Variants in SYT14 observed in about 807,000 individuals in gnomAD.
The protein encoded by SYT14 is synaptotagmin-14.
In SYT14, 32 loss-of-function variants were observed where a neutral mutation model predicts 74.2. The observed-to-expected ratio is 0.43, with a 90% CI of 0.33 to 0.58. The LOEUF (loss-of-function observed/expected upper bound fraction) is 0.58, where lower values mean the gene tolerates loss of function less well. Among genes scored for constraint, SYT14 ranks in the 20% least tolerant of loss-of-function variants. The pLI, the probability that SYT14 is intolerant of heterozygous loss-of-function variation, is 0.05. For synonymous variants in SYT14, 298 were observed against 337.7 expected (o/e 0.88, Z 1.29); for missense variants, 791 against 981.8 (o/e 0.81, Z 2.60).
At chr1:209,954,001 C>G (rs1412346377) in intron 2 of SYT14, among the ~76,000 whole-genome samples, 2 of 152,180 alleles carry the variant, frequency 1.3e-5, no homozygotes, top group Non-Finnish European at 1.5e-5. Context: ...CTGCTGTATA[C>G]ATAAATCCAG....
At chr1:210,077,063 C>G (rs1046691011) in intron 5 of SYT14, among the ~76,000 whole-genome samples, 1 of 152,072 alleles carries the variant, frequency 6.6e-6, no homozygotes, top group Non-Finnish European at 1.5e-5. Context: ...AAGGAAATAC[C>G]TGAGACTGGG....
At chr1:210,061,591 T>C (rs1370033860) in intron 5 of SYT14, among the ~76,000 whole-genome samples, 1 of 151,908 alleles carries the variant, frequency 6.6e-6, no homozygotes, top group African/African-American at 2.4e-5. Flanking sequence ...CATGCTTAAC[T>C]AAGAAAACTC....
chr1:210,084,442 G>C (rs1384176995), intron 5 of SYT14, among the ~76,000 whole-genome samples: 1 of 152,078 alleles, frequency 6.6e-6, no homozygotes, highest in Admixed American at 6.6e-5. Flanking sequence ...TTTAGTTCTC[G>C]ATTCTGTCTC....
chr1:210,075,035 G>A (rs780238177), intron 5 of SYT14, among the ~76,000 whole-genome samples: 1 of 152,186 alleles, frequency 6.6e-6, no homozygotes, highest in Non-Finnish European at 1.5e-5. Context: ...TTTATTGAGC[G>A]CAAGTAGCTC....
chr1:209,984,690 C>T (rs762548427), intron 2 of SYT14, among the ~76,000 whole-genome samples: 7 of 152,080 alleles, frequency 4.6e-5, no homozygotes, highest in Non-Finnish European at 1.0e-4. Flanking sequence ...CTATAAATAC[C>T]TGAGACTGGG....
intron 2 of SYT14, among the ~76,000 whole-genome samples, chr1:210,007,051 AT>A (rs1160599054): frequency 1.3e-5 from 2 of 151,694 alleles, no homozygotes; most frequent in South Asian, 2.1e-4. Flanking sequence ...TAATTTTTTC[AT>A]TTTTTTCAAT....
chr1:210,138,710 TC>T lies in SYT14; in HGVS notation c.2035-17010del, dbSNP rs369818983. On this transcript the variant is annotated intron_variant, in intron 7 of 9. Coordinates refer to ENST00000637265, the Ensembl canonical transcript of SYT14. ...GGTAGTTTTAATTATTTGCATAAAATCAGGGTAGTTTTCTTTAAAATATAAG... is the reference window on the plus strand; with the variant it reads ...GGTAGTTTTAATTATTTGCATAAAATAGGGTAGTTTTCTTTAAAATATAAG... 7.3e-3 allele frequency among the ~76,000 whole-genome samples: 1,115 copies of T among 152,306 alleles called. 13 individuals carry two copies. The highest frequency in any genetic ancestry group is 0.015 in the South Asian group (70 of 4,826).
intron 5 of SYT14, among the ~76,000 whole-genome samples, chr1:210,075,327 G>A (rs2081474549): frequency 6.7e-6 from 1 of 148,480 alleles, no homozygotes; most frequent in African/African-American, 2.5e-5. Flanking sequence ...CTGCCTGCTA[G>A]GGTCTCGAGG....
chr1:209,955,007 G>A (rs2078970998), intron 2 of SYT14, among the ~76,000 whole-genome samples: 1 of 152,092 alleles, frequency 6.6e-6, no homozygotes. Flanking sequence ...CACTCGGCTA[G>A]ACATCACAAC....
At chr1:210,082,533 A>T (rs959661736) in intron 5 of SYT14, among the ~76,000 whole-genome samples, 2 of 152,184 alleles carry the variant, frequency 1.3e-5, no homozygotes, top group African/African-American at 4.8e-5. Flanking sequence ...TGAGACTATG[A>T]GTGTAGATAA....
At chr1:210,151,504 G>GC (rs140800804) in intron 7 of SYT14, among the ~76,000 whole-genome samples, 50,710 of 119,826 alleles carry the variant, frequency 0.42, 12,040 homozygotes, top group East Asian at 0.64. Context: ...ATAGGCGAAT[G>GC]CCCCCCCCCT....
chr1:210,105,559 A>G (rs2082143171), intron 7 of SYT14, among the ~76,000 whole-genome samples: 1 of 152,194 alleles, frequency 6.6e-6, no homozygotes, highest in Admixed American at 6.5e-5. Context: ...CTATAGCATA[A>G]TCTACCCTGG....
At chr1:210,108,144 G>C (rs555931616) in intron 7 of SYT14, among the ~76,000 whole-genome samples, 2 of 152,300 alleles carry the variant, frequency 1.3e-5, no homozygotes, top group East Asian at 3.9e-4. Context: ...ATTAAATCTG[G>C]CTCTTGCTTA....
intron 1 of SYT14, among the ~76,000 whole-genome samples, chr1:209,944,012 A>G (rs1359334147): frequency 3.3e-5 from 5 of 152,212 alleles, no homozygotes; most frequent in African/African-American, 1.2e-4. Flanking sequence ...AGCCACACAT[A>G]TATTCAGAAC....
intron 2 of SYT14, among the ~76,000 whole-genome samples, chr1:209,977,111 A>T (rs2079381570): frequency 6.6e-6 from 1 of 151,984 alleles, no homozygotes; most frequent in Non-Finnish European, 1.5e-5. Context: ...TCTGCACGTG[A>T]GATGGGTTCC....
At chr1:210,091,370 C>A (rs1286094048) in intron 5 of SYT14, among the ~76,000 whole-genome samples, 1 of 152,106 alleles carries the variant, frequency 6.6e-6, no homozygotes, top group Non-Finnish European at 1.5e-5. Context: ...AAAAATATAA[C>A]CACAGGCAGA....
intron 2 of SYT14, among the ~76,000 whole-genome samples, chr1:209,986,037 T>C (rs1223348343): frequency 6.6e-6 from 1 of 152,182 alleles, no homozygotes; most frequent in Non-Finnish European, 1.5e-5. Flanking sequence ...CTCTGAGACC[T>C]TTCTCCCATA....
chr1:209,959,699 T>A (rs1558093447), intron 2 of SYT14, among the ~76,000 whole-genome samples: 1 of 152,196 alleles, frequency 6.6e-6, no homozygotes, highest in Admixed American at 6.5e-5. Flanking sequence ...TAGGATTTCA[T>A]TCATATGAAA....
intron 2 of SYT14, among the ~76,000 whole-genome samples, chr1:209,974,314 AG>A (rs2079316271): frequency 6.6e-6 from 1 of 152,126 alleles, no homozygotes; most frequent in Non-Finnish European, 1.5e-5. Flanking sequence ...GGTATTGCCT[AG>A]GTTTTCTTCT....
Sources: allele counts gnomAD v4.1 joint callset (sites outside exome capture counted in the v4.1 genomes callset), GRCh38; gene constraint gnomAD v4.1.1; transcripts MANE v1.5; gene names NCBI Gene and HGNC (gene_info 2026-07-23, HGNC 2026-07-21).